The following TPD52L2 variants were observed in gnomAD, a reference collection of about 807,000 sequenced individuals.
The protein encoded by TPD52L2 is tumor protein D54.
A neutral mutation model predicts 24.7 loss-of-function variants in TPD52L2; 19 were observed. That is an observed-to-expected ratio of 0.77 (90% CI 0.54 to 1.13). The LOEUF (loss-of-function observed/expected upper bound fraction) is 1.13, where lower values mean the gene tolerates loss of function less well. Ranked by LOEUF, TPD52L2 falls within the 50% of genes most tolerant of loss-of-function variation. The pLI, the probability that TPD52L2 is intolerant of heterozygous loss-of-function variation, is 0.00. For missense variants in TPD52L2, 236 were observed against 250.4 expected, an observed-to-expected ratio of 0.94 and a Z score of 0.39; for synonymous variants, 104 against 100.2, an observed-to-expected ratio of 1.04 and a Z score of -0.23.
At chr20:63,878,766 T>C (rs540389789) in intron 4 of TPD52L2, among the ~76,000 whole-genome samples, 1 of 152,308 alleles carries the variant, frequency 6.6e-6, no homozygotes, top group Non-Finnish European at 1.5e-5. Context: ...GAAACCGCTG[T>C]CTGTCCAGGG....
chr20:63,883,882 C>T (rs986304871), intron 5 of TPD52L2, among the ~76,000 whole-genome samples: 59 of 152,150 alleles, frequency 3.9e-4, no homozygotes, highest in African/African-American at 1.4e-3. Flanking sequence ...GTCCTGCCTC[C>T]CCGCCTGTGG....
intron 4 of TPD52L2, among the ~76,000 whole-genome samples, chr20:63,878,233 C>T (rs934855593): frequency 7.9e-5 from 12 of 152,178 alleles, no homozygotes; most frequent in Non-Finnish European, 1.6e-4. Flanking sequence ...AGAACGTGGC[C>T]GGTGGGTGGA....
Position 63,887,578 on chromosome 20 carries a change from G to A in TPD52L2, c.477-1612G>A, listed in dbSNP as rs754381629. On this transcript the variant is annotated intron_variant, in intron 5 of 6. Coordinates refer to ENST00000346249, the MANE Select transcript of TPD52L2 (RefSeq NM_003288.4). Reference sequence around the variant, plus strand: ...CTTCCAAGCAGCAGCTACTCCATCCGCCACTCAATAAGTATGCCAGCCATG... The same window carrying A: ...CTTCCAAGCAGCAGCTACTCCATCCACCACTCAATAAGTATGCCAGCCATG... 2.2e-5 allele frequency: 36 copies of A among 1,613,272 alleles called. No homozygotes were observed. The highest frequency in any genetic ancestry group is 2.6e-5 in the Non-Finnish European group (31 of 1,180,006).
intron 5 of TPD52L2, chr20:63,888,279 G>A (rs1273846245): frequency 1.3e-5 from 2 of 153,548 alleles, no homozygotes; most frequent in African/African-American, 2.4e-5. Flanking sequence ...TTCTCCTCTT[G>A]TCTCCTTATC....
intron 4 of TPD52L2, among the ~76,000 whole-genome samples, chr20:63,882,237 A>G (rs966337366): frequency 6.6e-6 from 1 of 152,224 alleles, no homozygotes; most frequent in Non-Finnish European, 1.5e-5. Flanking sequence ...GGAAGAGGAA[A>G]GGGAAACTTG....
chr20:63,876,255 A>G (rs2052673086), intron 4 of TPD52L2, among the ~76,000 whole-genome samples: 1 of 152,164 alleles, frequency 6.6e-6, no homozygotes. Context: ...TGTTTGTTCT[A>G]ACCCTAACCC....
chr20:63,888,340 A>T (rs1370419741), intron 5 of TPD52L2: 1 of 152,700 alleles, frequency 6.5e-6, no homozygotes, highest in African/African-American at 2.4e-5. Flanking sequence ...TCTCTGAGAG[A>T]TGTGCATGAA....
intron 2 of TPD52L2, among the ~76,000 whole-genome samples, chr20:63,870,345 C>G (rs2052411422): frequency 1.3e-5 from 2 of 152,056 alleles, no homozygotes; most frequent in South Asian, 4.1e-4. Flanking sequence ...GCCGCTGAGT[C>G]TGAGGACCAG....
chr20:63,869,581 C>T (rs140112533), intron 2 of TPD52L2, 140 bp downstream of exon 2: 16 of 1,074,152 alleles, frequency 1.5e-5, no homozygotes, highest in Non-Finnish European at 1.9e-5. Context: ...CGACTGATAA[C>T]GGGGTTCTCT....
intron 2 of TPD52L2, among the ~76,000 whole-genome samples, chr20:63,870,526 T>TTG (rs1381345433): frequency 1.5e-5 from 2 of 135,748 alleles, no homozygotes; most frequent in Non-Finnish European, 1.6e-5. Context: ...TGAAGTTTTT[T>TTG]TTTTTTTTTT....
chr20:63,865,571 G>C (rs1600768095), intron 1 of TPD52L2, among the ~76,000 whole-genome samples, 187 bp downstream of exon 1: 2 of 152,086 alleles, frequency 1.3e-5, no homozygotes, highest in African/African-American at 4.8e-5. Flanking sequence ...TTTTGCCCGC[G>C]GCCCAGACCG....
At chr20:63,880,643 C>T (rs936405405) in intron 4 of TPD52L2, among the ~76,000 whole-genome samples, 2 of 152,090 alleles carry the variant, frequency 1.3e-5, no homozygotes, top group African/African-American at 2.4e-5. Context: ...GTAATCCCAA[C>T]ACTTTTGGAG....
intron 5 of TPD52L2, chr20:63,886,010 T>G (rs2053079827): frequency 3.1e-6 from 5 of 1,614,050 alleles, no homozygotes; most frequent in Non-Finnish European, 4.2e-6. Context: ...TGCTGCCACC[T>G]TCCAGGGCTC....
intron 1 of TPD52L2, 135 bp downstream of exon 1, chr20:63,865,519 CGG>C: frequency 8.5e-7 from 1 of 1,180,934 alleles, no homozygotes; most frequent in Non-Finnish European, 1.1e-6. Flanking sequence ...CTTCAGCTCC[CGG>C]GGCCACTGAC....
At chr20:63,882,183 C>CT (rs2052924364) in intron 4 of TPD52L2, among the ~76,000 whole-genome samples, 3 of 152,226 alleles carry the variant, frequency 2.0e-5, no homozygotes, top group Non-Finnish European at 4.4e-5. Flanking sequence ...TCCCCACAGA[C>CT]GTGGTTGAGC....
In TPD52L2 at chr20:63,865,344, G is replaced by T; in HGVS notation, c.-22G>T. ...CTCGGCTCCCATAGCGCCCGCGACA[G>T]CGGTCCGGACGCCGCCCGAACATGG... is the stretch of plus-strand genomic sequence containing the variant. On this transcript the variant is annotated 5_prime_UTR_variant, in exon 1 of 7. Transcript: ENST00000346249. The T allele has an allele frequency of 6.6e-7, 1 of 1,523,130 alleles. No homozygotes were observed. The highest frequency in any genetic ancestry group is 8.8e-7 in the Non-Finnish European group (1 of 1,141,172). 94.4% of individuals were successfully genotyped at this position (1,523,130 alleles called of 1,614,324 possible). A position where few individuals can be genotyped will look rare whatever the true frequency, so the allele number is the denominator to read the frequency against.
rs1187364824 is a variant in TPD52L2, at chr20:63,877,654, A to G, written c.374+1779A>G. ...CAGTGCTGTTTTGTAAAACCAACTG[A>G]CATAAAGCTGCCGGGATCCTATTTC... is the stretch of plus-strand genomic sequence containing the variant. On this transcript the variant is annotated intron_variant, in intron 4 of 6. Transcript: ENST00000346249. The surrounding 1 kb of genome is among the most constrained non-coding windows in gnomAD (Gnocchi z 4.1). Among the ~76,000 whole-genome samples the G allele has an allele frequency of 1.3e-5, 2 of 152,240 alleles. No individual in the cohort carries two copies. The highest frequency in any genetic ancestry group is 2.4e-5 in the African/African-American group (1 of 41,462).
At chr20:63,887,726 C>A in intron 5 of TPD52L2, 1 of 1,012,424 alleles carries the variant, frequency 9.9e-7, no homozygotes, top group Non-Finnish European at 1.5e-6. Context: ...ACTCCATTCC[C>A]TTGGCAACCT....
rs765650954 is a variant in TPD52L2, at chr20:63,889,952, G to A, written c.*7G>A. 2 of 1,614,036 alleles carry A rather than the reference G, an allele frequency of 1.2e-6. No individual in the cohort carries two copies. The highest frequency in any genetic ancestry group is 1.7e-6 in the Non-Finnish European group (2 of 1,180,044). On this transcript the variant is annotated 3_prime_UTR_variant, in exon 7 of 7. Coordinates refer to ENST00000346249, the MANE Select transcript of TPD52L2 (RefSeq NM_003288.4). The stretch of plus-strand genomic sequence containing the variant: ...GGATCCCGCACCTTTCTAAGCCTGT[G>A]GTTGCTTCACCCGCTGCAGAGCACA...
Sources: allele counts gnomAD v4.1 joint callset (sites outside exome capture counted in the v4.1 genomes callset), GRCh38; gene constraint gnomAD v4.1.1; non-coding constraint Gnocchi (gnomAD v3.1); transcripts MANE v1.5; gene names NCBI Gene and HGNC (gene_info 2026-07-23, HGNC 2026-07-21).